Variants in EDA observed in about 807,000 individuals in gnomAD.
EDA encodes the protein ectodysplasin A.
Under a neutral mutation model 23.6 loss-of-function variants are expected in EDA, and 2 were observed. The observed-to-expected ratio is 0.08, with a 90% CI of 0.03 to 0.27. The LOEUF (loss-of-function observed/expected upper bound fraction) is 0.27. Ranked by LOEUF, EDA falls within the 10% of genes least tolerant of loss-of-function variation. The probability of loss-of-function intolerance (pLI) is 1.00; values close to 1 mark genes in which losing one functional copy is unlikely to be tolerated. For missense variants in EDA, 229 were observed against 324.2 expected, an observed-to-expected ratio of 0.71 and a Z score of 2.26; for synonymous variants, 131 against 132.0, an observed-to-expected ratio of 0.99 and a Z score of 0.05.
chrX:69,683,065 A>G (rs1208623783), intron 1 of EDA, among the ~76,000 whole-genome samples: 3 of 111,324 alleles, frequency 2.7e-5, no homozygotes, highest in African/African-American at 9.8e-5. Context: ...TTCTATCTCT[A>G]AAATAGGGAT....
intron 1 of EDA, among the ~76,000 whole-genome samples, chrX:69,638,206 A>G (rs1932800084): frequency 1.8e-5 from 2 of 111,956 alleles, no homozygotes; most frequent in Admixed American, 9.5e-5. Flanking sequence ...CCACCCCCAT[A>G]ATATTGACAC....
intron 1 of EDA, among the ~76,000 whole-genome samples, chrX:69,794,470 T>C (rs928823215): frequency 8.9e-6 from 1 of 112,382 alleles, no homozygotes; most frequent in Admixed American, 9.4e-5. Flanking sequence ...TAATAATATC[T>C]GAAATAATGT....
rs377434597 is a variant in EDA at position 69,964,088 on chromosome X, A to G, written c.502+6956A>G. ...ACTCAGTCTCTCTAAAGTTCCTTCT[A>G]GTTATTTTTTTCTCAATATTAGGGA... On this transcript the variant is annotated intron_variant, in intron 2 of 7. Coordinates refer to ENST00000374552, the MANE Select transcript of EDA (RefSeq NM_001399.5). Among the ~76,000 whole-genome samples, 3 of 111,128 alleles carry G rather than the reference A, an allele frequency of 2.7e-5. No individual in the cohort carries two copies. In the East Asian group the frequency reaches 8.5e-4, roughly 31 times the overall value.
intron 1 of EDA, among the ~76,000 whole-genome samples, chrX:69,799,798 C>T (rs2015634562): frequency 1.3e-5 from 1 of 74,358 alleles, no homozygotes; most frequent in Non-Finnish European, 2.5e-5. Context: ...TTGTCAAAAA[C>T]AGTATGCAGA....
At chrX:69,925,281 G>C (rs1273980738) in intron 1 of EDA, among the ~76,000 whole-genome samples, 1 of 111,791 alleles carries the variant, frequency 8.9e-6, no homozygotes, top group Non-Finnish European at 1.9e-5. Flanking sequence ...GATATTGGCT[G>C]TGGGTTTGTC....
intron 1 of EDA, among the ~76,000 whole-genome samples, chrX:69,699,064 T>G (rs960536527): frequency 9.1e-6 from 1 of 109,969 alleles, no homozygotes; most frequent in African/African-American, 3.3e-5. Context: ...GCTTGGTGGG[T>G]AGGAAAAGGC....
At chrX:69,744,769 G>T (rs887762804) in intron 1 of EDA, among the ~76,000 whole-genome samples, 3 of 112,042 alleles carry the variant, frequency 2.7e-5, no homozygotes, top group Non-Finnish European at 5.6e-5. Flanking sequence ...GGTGCTTTAT[G>T]TACTTCTCAT....
At chrX:69,670,337 T>G (rs1933846755) in intron 1 of EDA, 1 of 365,148 alleles carries the variant, frequency 2.7e-6, no homozygotes. Flanking sequence ...TAAAGTTTTC[T>G]CTTTGACTTT....
chrX:69,788,606 G>T (rs1015843209), intron 1 of EDA, among the ~76,000 whole-genome samples: 1 of 112,115 alleles, frequency 8.9e-6, no homozygotes, highest in African/African-American at 3.2e-5. Flanking sequence ...GGCTGCTCAG[G>T]GGTCAGGGGT....
At chrX:69,717,125 G>A (rs988426210) in intron 1 of EDA, among the ~76,000 whole-genome samples, 3 of 111,051 alleles carry the variant, frequency 2.7e-5, no homozygotes, top group Non-Finnish European at 5.7e-5. Context: ...TGGTGAGAAA[G>A]GGCATCCTTG....
At chrX:69,907,853 T>C (rs1221356360) in intron 1 of EDA, among the ~76,000 whole-genome samples, 3 of 110,465 alleles carry the variant, frequency 2.7e-5, no homozygotes, top group Non-Finnish European at 5.7e-5. Flanking sequence ...TTTGAGTCTC[T>C]AATCCCAGAA....
intron 1 of EDA, 131 bp downstream of exon 1, chrX:69,616,835 G>C: frequency 1.1e-6 from 1 of 906,804 alleles, no homozygotes; most frequent in Non-Finnish European, 1.5e-6. Context: ...GAGGGACCAG[G>C]CGAGCAAGGG....
chrX:70,000,146 G>A (rs779243718), intron 2 of EDA, among the ~76,000 whole-genome samples: 2 of 112,131 alleles, frequency 1.8e-5, no homozygotes, highest in South Asian at 7.5e-4. Context: ...TATATTAGAG[G>A]CATTTCTGCT....
intron 1 of EDA, among the ~76,000 whole-genome samples, chrX:69,809,784 G>A (rs1219854912): frequency 9.0e-6 from 1 of 111,242 alleles, no homozygotes; most frequent in Admixed American, 9.6e-5. Flanking sequence ...TTGCCATTTG[G>A]TGCATCTTGG....
intron 1 of EDA, among the ~76,000 whole-genome samples, chrX:69,742,014 A>T (rs1240813532): frequency 6.3e-5 from 7 of 111,993 alleles, no homozygotes; most frequent in Non-Finnish European, 7.5e-5. Flanking sequence ...GGCAGCTTAG[A>T]CAGTAGCCTG....
At chrX:69,724,567 C>A (rs1044740993) in intron 1 of EDA, among the ~76,000 whole-genome samples, 1 of 111,356 alleles carries the variant, frequency 9.0e-6, no homozygotes, top group African/African-American at 3.3e-5. Flanking sequence ...CTCTGTTGAC[C>A]TAAGTGTCAT....
At chrX:70,013,270 G>A (rs1207883225) in intron 2 of EDA, among the ~76,000 whole-genome samples, 1 of 111,296 alleles carries the variant, frequency 9.0e-6, no homozygotes, top group African/African-American at 3.3e-5. Context: ...GGGCCTGGTT[G>A]TGTCACTGTA....
In EDA at chrX:69,689,645, C is replaced by T. The variant is rs757062135; in HGVS notation, c.396+72941C>T. 1.4e-4 allele frequency among the ~76,000 whole-genome samples: 13 copies of T among 90,528 alleles called. No homozygotes were observed. The South Asian group carries it at 6.2e-3, about 43-fold the overall frequency. The allele number at this position is 90,528 out of a possible 115,157, so 78.6% of individuals were successfully genotyped here. A position where few individuals can be genotyped will look rare whatever the true frequency, so the allele number is the denominator to read the frequency against. On this transcript the variant is annotated intron_variant, in intron 1 of 7. Coordinates refer to ENST00000374552, the MANE Select transcript of EDA (RefSeq NM_001399.5). ...CCACCGCGCCCGGCCCAACTTTGTT[C>T]TTCTTTATCAAGATTGGTTTTGGCT...
chrX:69,851,708 A>G (rs1003726971), intron 1 of EDA, among the ~76,000 whole-genome samples: 2 of 111,866 alleles, frequency 1.8e-5, no homozygotes, highest in Non-Finnish European at 3.8e-5. Context: ...TCCCTTTTAT[A>G]CAACTGGAAA....
Sources: allele counts gnomAD v4.1 joint callset (sites outside exome capture counted in the v4.1 genomes callset), GRCh38; gene constraint gnomAD v4.1.1; transcripts MANE v1.5; gene names NCBI Gene and HGNC (gene_info 2026-07-23, HGNC 2026-07-21).